The following GRIK2 variants were observed in gnomAD, a reference collection of about 807,000 sequenced individuals.
GRIK2 encodes glutamate ionotropic receptor kainate type subunit 2.
GRIK2 carries 32 observed loss-of-function variants against 100.3 expected under a neutral mutation model. The observed-to-expected ratio is 0.32, with a 90% CI of 0.24 to 0.43. The LOEUF is 0.43. Among genes scored for constraint, GRIK2 ranks in the 20% least tolerant of loss-of-function variants. The probability of loss-of-function intolerance (pLI) is 1.00; values close to 1 mark genes in which losing one functional copy is unlikely to be tolerated. For missense variants in GRIK2, 843 were observed against 1,114.9 expected, an observed-to-expected ratio of 0.76 and a Z score of 3.47; for synonymous variants, 417 against 389.4, an observed-to-expected ratio of 1.07 and a Z score of -0.83.
At chr6:101,583,873 A>G (rs1760825113) in intron 2 of GRIK2, among the ~76,000 whole-genome samples, 1 of 152,108 alleles carries the variant, frequency 6.6e-6, no homozygotes, top group South Asian at 2.1e-4. Context: ...CATATTGCCT[A>G]ATAAATTGCT....
intron 7 of GRIK2, among the ~76,000 whole-genome samples, chr6:101,724,776 A>G (rs755067282): frequency 2.2e-4 from 34 of 152,158 alleles, no homozygotes; most frequent in Non-Finnish European, 1.5e-4. Context: ...AATGATTAAG[A>G]CAACACCTAA....
At chr6:101,912,109 CACAG>C (rs202134592) in intron 12 of GRIK2, among the ~76,000 whole-genome samples, 561 of 18,646 alleles carry the variant, frequency 0.03, 10 homozygotes, top group East Asian at 0.2. Flanking sequence ...CAAACACACA[CACAG>C]AGACCGAGAG....
At chr6:101,564,177 A>T (rs1777148510) in intron 2 of GRIK2, among the ~76,000 whole-genome samples, 1 of 152,148 alleles carries the variant, frequency 6.6e-6, no homozygotes, top group South Asian at 2.1e-4. Context: ...GTTCTGCTTC[A>T]TGTGTGTTAA....
chr6:101,810,737 G>A (rs1301485925), intron 9 of GRIK2, among the ~76,000 whole-genome samples: 3 of 147,200 alleles, frequency 2.0e-5, no homozygotes, highest in Non-Finnish European at 4.4e-5. Flanking sequence ...AGACGGTAAT[G>A]CAACTAACTA....
chr6:101,851,300 A>T (rs1784113984), intron 10 of GRIK2, among the ~76,000 whole-genome samples: 1 of 152,012 alleles, frequency 6.6e-6, no homozygotes, highest in African/African-American at 2.4e-5. Context: ...TTAGAGTAAT[A>T]AGATTTAAAT....
At chr6:102,038,585 A>G (rs1293683054) in intron 15 of GRIK2, among the ~76,000 whole-genome samples, 1 of 151,424 alleles carries the variant, frequency 6.6e-6, no homozygotes. Flanking sequence ...AAGCATACTG[A>G]AAATGATAAT....
chr6:101,668,425 C>T (rs1223989305), intron 4 of GRIK2, among the ~76,000 whole-genome samples: 1 of 152,090 alleles, frequency 6.6e-6, no homozygotes, highest in African/African-American at 2.4e-5. Context: ...ACAGCATTGC[C>T]ACACATTACA....
Position 101,723,466 on chromosome 6 carries a change from T to A in GRIK2, c.951+37113T>A, listed in dbSNP as rs563395500. Among the ~76,000 whole-genome samples the A allele has an allele frequency of 5.9e-5, 9 of 152,154 alleles. No individual in the cohort carries two copies. In the East Asian group the frequency reaches 1.7e-3, roughly 29 times the overall value. On this transcript the variant is annotated intron_variant, in intron 7 of 16. Transcript: ENST00000369134. ...TTGCAAAATACCTTGCAACATTTTT[T>A]GAGTCAGCCAATTACTAGAAACTGG...
chr6:101,709,228 T>C (rs1773542241), intron 7 of GRIK2, among the ~76,000 whole-genome samples: 1 of 151,596 alleles, frequency 6.6e-6, no homozygotes, highest in Admixed American at 6.6e-5. Flanking sequence ...CCAGAAACTA[T>C]GAGAAAGATA....
At chr6:101,506,297 A>C (rs747106306) in intron 2 of GRIK2, among the ~76,000 whole-genome samples, 36 of 152,158 alleles carry the variant, frequency 2.4e-4, no homozygotes, top group Non-Finnish European at 4.7e-4. Context: ...TGGACTAAAT[A>C]TTTTCTTTTT....
intron 4 of GRIK2, among the ~76,000 whole-genome samples, chr6:101,649,357 C>G (rs1331106317): frequency 1.3e-5 from 2 of 152,070 alleles, no homozygotes; most frequent in Non-Finnish European, 1.5e-5. Flanking sequence ...GCAACGTGCC[C>G]AAGGTCACAC....
chr6:101,764,975 G>A lies in GRIK2; in HGVS notation c.952-34673G>A, dbSNP rs187396390. ...TTCTCCAGCCTCATCCATTATCACT[G>A]CAAATCCACACCTTCACTGGTGCTT... is the stretch of plus-strand genomic sequence containing the variant. On this transcript the variant is annotated intron_variant, in intron 7 of 16. Transcript: ENST00000369134. 7.4e-4 allele frequency among the ~76,000 whole-genome samples: 113 copies of A among 152,038 alleles called. 1 individual carries two copies. The highest frequency in any genetic ancestry group is 2.5e-3 in the African/African-American group (103 of 41,492).
At chr6:101,991,695 A>G (rs1794386992) in intron 14 of GRIK2, among the ~76,000 whole-genome samples, 2 of 151,524 alleles carry the variant, frequency 1.3e-5, no homozygotes, top group African/African-American at 4.8e-5. Context: ...TTTCATATTC[A>G]TAATTAGACT....
intron 2 of GRIK2, among the ~76,000 whole-genome samples, chr6:101,450,316 T>C (rs1770605101): frequency 6.6e-6 from 1 of 151,748 alleles, no homozygotes; most frequent in Non-Finnish European, 1.5e-5. Context: ...TTTTTTTAAA[T>C]GAATCCACAG....
At chr6:102,061,659 T>C (rs1771758895) in intron 16 of GRIK2, among the ~76,000 whole-genome samples, 9 of 150,536 alleles carry the variant, frequency 6.0e-5, no homozygotes. Flanking sequence ...TTAGCCTCTC[T>C]ATTCTTCTTT....
chr6:102,052,092 G>A (rs1771229270), intron 15 of GRIK2, among the ~76,000 whole-genome samples: 1 of 152,076 alleles, frequency 6.6e-6, no homozygotes, highest in African/African-American at 2.4e-5. Flanking sequence ...TCGTTCTTTG[G>A]TCTCAATGTG....
In GRIK2 at chr6:101,561,874, G is replaced by A. The variant is rs548734044; in HGVS notation, c.116-60075G>A. On this transcript the variant is annotated intron_variant, in intron 2 of 16. Transcript: ENST00000369134. ...GTTTCCAGCATGCCTGGGGCACCGA[G>A]TGAAGGTGTCCAGTGGGTAGATAGA... Among the ~76,000 whole-genome samples the A allele has an allele frequency of 2.0e-5, 3 of 152,314 alleles. No individual in the cohort carries two copies. In the South Asian group the frequency reaches 6.2e-4, roughly 32 times the overall value.
intron 14 of GRIK2, among the ~76,000 whole-genome samples, chr6:101,975,348 C>A (rs890160413): frequency 1.3e-5 from 2 of 151,696 alleles, no homozygotes; most frequent in African/African-American, 4.8e-5. Flanking sequence ...TAGTCAGTGA[C>A]CTGTGGCACT....
chr6:101,931,024 C>G (rs1239329176), intron 14 of GRIK2, among the ~76,000 whole-genome samples: 23 of 152,180 alleles, frequency 1.5e-4, no homozygotes, highest in Non-Finnish European at 1.2e-4. Context: ...TTATCACATG[C>G]TGAGTTCTAT....
Sources: allele counts gnomAD v4.1 joint callset (sites outside exome capture counted in the v4.1 genomes callset), GRCh38; gene constraint gnomAD v4.1.1; transcripts MANE v1.5; gene names NCBI Gene and HGNC (gene_info 2026-07-23, HGNC 2026-07-21).